The following PTPRD variants were observed in gnomAD, a reference collection of about 807,000 sequenced individuals.
The protein encoded by PTPRD is protein tyrosine phosphatase receptor type D, also known as receptor-type tyrosine-protein phosphatase delta.
A neutral mutation model predicts 214.5 loss-of-function variants in PTPRD; 34 were observed. The ratio of observed to expected loss-of-function variants is 0.16; its 90% CI spans 0.12 to 0.21. PTPRD has a LOEUF of 0.21. PTPRD is among the 10% of genes least tolerant of loss of function. PTPRD has a pLI of 1.00. For missense variants in PTPRD, 2,545 were observed against 2,398.7 expected (o/e 1.06, Z -1.27); for synonymous variants, 1,128 against 845.7 (o/e 1.33, Z -5.79).
intron 7 of PTPRD, among the ~76,000 whole-genome samples, chr9:9,705,546 T>A (rs913284764): frequency 3.3e-5 from 5 of 152,122 alleles, no homozygotes; most frequent in African/African-American, 1.2e-4. Flanking sequence ...TCTCAAGCAC[T>A]TGAGGTCTTT....
chr9:8,440,417 G>C (rs1421220912), intron 34 of PTPRD, among the ~76,000 whole-genome samples: 1 of 151,870 alleles, frequency 6.6e-6, no homozygotes, highest in African/African-American at 2.4e-5. Flanking sequence ...CCGGGTTCAA[G>C]TGGTTCCCCT....
At chr9:8,891,775 A>T (rs2098542106) in intron 11 of PTPRD, among the ~76,000 whole-genome samples, 1 of 152,192 alleles carries the variant, frequency 6.6e-6, no homozygotes, top group Non-Finnish European at 1.5e-5. Flanking sequence ...GAATTGCCAC[A>T]GAGTTCTAGG....
chr9:9,523,854 G>T (rs567661746), intron 8 of PTPRD, among the ~76,000 whole-genome samples: 1 of 151,898 alleles, frequency 6.6e-6, no homozygotes, highest in African/African-American at 2.4e-5. Flanking sequence ...TACTTTTGCC[G>T]GCCCATTACC....
At chr9:10,003,238 A>C (rs1210028963) in intron 4 of PTPRD, among the ~76,000 whole-genome samples, 1 of 151,774 alleles carries the variant, frequency 6.6e-6, no homozygotes, top group Non-Finnish European at 1.5e-5. Flanking sequence ...TATGCCTAGA[A>C]TACTGGATCT....
chr9:9,720,064 G>T (rs1226583427), intron 7 of PTPRD, among the ~76,000 whole-genome samples: 1 of 152,166 alleles, frequency 6.6e-6, no homozygotes, highest in Non-Finnish European at 1.5e-5. Flanking sequence ...AGACTGCAAG[G>T]CTGAGTGGGT....
chr9:10,408,246 C>G (rs781370968), intron 2 of PTPRD, among the ~76,000 whole-genome samples: 1 of 151,248 alleles, frequency 6.6e-6, no homozygotes, highest in African/African-American at 2.4e-5. Flanking sequence ...ATTTTTAAGT[C>G]TCTCTCTCTC....
intron 5 of PTPRD, among the ~76,000 whole-genome samples, chr9:9,848,913 T>A (rs1015062258): frequency 6.6e-6 from 1 of 152,004 alleles, no homozygotes; most frequent in African/African-American, 2.4e-5. Flanking sequence ...TAATAAAAAA[T>A]GAGCACTTTG....
At chr9:9,868,249 T>G (rs903246120) in intron 5 of PTPRD, among the ~76,000 whole-genome samples, 2 of 152,118 alleles carry the variant, frequency 1.3e-5, no homozygotes, top group Admixed American at 1.3e-4. Flanking sequence ...AAACCTCTAA[T>G]GTGAGATATC....
At chr9:8,925,044 C>T (rs1314080359) in intron 11 of PTPRD, among the ~76,000 whole-genome samples, 1 of 152,148 alleles carries the variant, frequency 6.6e-6, no homozygotes, top group East Asian at 1.9e-4. Context: ...GGCAATAAAA[C>T]TAGAGCAATT....
At chr9:9,173,815 C>T (rs2099922965) in intron 10 of PTPRD, among the ~76,000 whole-genome samples, 1 of 152,094 alleles carries the variant, frequency 6.6e-6, no homozygotes, top group Admixed American at 6.6e-5. Flanking sequence ...ATACCCGATA[C>T]TTTGCCGGTT....
intron 10 of PTPRD, among the ~76,000 whole-genome samples, chr9:9,141,850 T>C (rs1000027708): frequency 6.6e-6 from 1 of 152,032 alleles, no homozygotes; most frequent in African/African-American, 2.4e-5. Flanking sequence ...TTCTGGAATA[T>C]ATGCTTGGGG....
In PTPRD at chr9:9,720,816, A is replaced by G. The variant is rs117607855; in HGVS notation, c.-287+13717T>C. Among the ~76,000 whole-genome samples the G allele has an allele frequency of 1.0e-2, 1,514 of 152,072 alleles. 12 individuals carry two copies. Among genetic ancestry groups the G allele is most frequent in the Middle Eastern group, 0.058 (17 of 294 alleles). ...ACCATGGAATACTATGCAACCAAAA[A>G]AAAGAATGATATCATGTCTTTTGTT... is the stretch of plus-strand genomic sequence containing the variant. On this transcript the variant is annotated intron_variant, in intron 7 of 45. Coordinates refer to ENST00000381196, the MANE Select transcript of PTPRD (RefSeq NM_002839.4).
intron 7 of PTPRD, among the ~76,000 whole-genome samples, chr9:9,706,736 G>T (rs540921110): frequency 2.7e-4 from 41 of 151,998 alleles, no homozygotes; most frequent in South Asian, 2.3e-3. Flanking sequence ...CACCATGCCT[G>T]GCCTACTAAC....
At chr9:10,217,562 G>C (rs1284727323) in intron 3 of PTPRD, among the ~76,000 whole-genome samples, 1 of 151,912 alleles carries the variant, frequency 6.6e-6, no homozygotes, top group Non-Finnish European at 1.5e-5. Context: ...ATATTCTACT[G>C]TAGGAGGCCA....
At chr9:9,808,493 C>G (rs1174581874) in intron 5 of PTPRD, among the ~76,000 whole-genome samples, 1 of 152,030 alleles carries the variant, frequency 6.6e-6, no homozygotes, top group African/African-American at 2.4e-5. Flanking sequence ...ACCACCGTAC[C>G]CGGATAGGCT....
chr9:8,539,131 T>C (rs573494660), intron 14 of PTPRD, among the ~76,000 whole-genome samples: 2 of 152,132 alleles, frequency 1.3e-5, no homozygotes, highest in African/African-American at 4.8e-5. Flanking sequence ...TAACAAGTTA[T>C]AACACACTGA....
intron 12 of PTPRD, among the ~76,000 whole-genome samples, chr9:8,724,031 T>C (rs1344543275): frequency 6.6e-6 from 1 of 152,190 alleles, no homozygotes; most frequent in African/African-American, 2.4e-5. Flanking sequence ...CAAAGCTAAA[T>C]TGTAATGTCT....
chr9:8,483,727 C>T (rs886650416), intron 30 of PTPRD, among the ~76,000 whole-genome samples: 2 of 152,112 alleles, frequency 1.3e-5, no homozygotes, highest in East Asian at 3.9e-4. Context: ...TGCAGTGAGC[C>T]GAGATCGCGC....
At chr9:8,943,982 A>C (rs1434398027) in intron 11 of PTPRD, among the ~76,000 whole-genome samples, 1 of 152,112 alleles carries the variant, frequency 6.6e-6, no homozygotes, top group Non-Finnish European at 1.5e-5. Context: ...AATGGGAGAA[A>C]ACATTTGCAA....
Sources: allele counts gnomAD v4.1 joint callset (sites outside exome capture counted in the v4.1 genomes callset), GRCh38; gene constraint gnomAD v4.1.1; transcripts MANE v1.5; gene names NCBI Gene and HGNC (gene_info 2026-07-23, HGNC 2026-07-21).